Variants in SIPA1L1 observed in about 807,000 individuals in gnomAD.
SIPA1L1 encodes the protein signal-induced proliferation-associated 1-like protein 1.
SIPA1L1 carries 26 observed loss-of-function variants against 162.7 expected under a neutral mutation model. That is an observed-to-expected ratio of 0.16 (90% CI 0.12 to 0.22). SIPA1L1 has a LOEUF of 0.22. Ranked by LOEUF, SIPA1L1 falls within the 10% of genes least tolerant of loss-of-function variation. The pLI is 1.00. For synonymous variants in SIPA1L1, 829 were observed against 837.4 expected, an observed-to-expected ratio of 0.99 and a Z score of 0.17; for missense variants, 1,874 against 2,241.0, an observed-to-expected ratio of 0.84 and a Z score of 3.31.
At chr14:71,592,191 A>G (rs1337708325) in intron 5 of SIPA1L1, among the ~76,000 whole-genome samples, 1 of 152,178 alleles carries the variant, frequency 6.6e-6, no homozygotes, top group African/African-American at 2.4e-5. Context: ...AGTTACACAG[A>G]GTGGTTACTG....
At chr14:71,605,183 ATGTATTT>A (rs2037344512) in intron 5 of SIPA1L1, among the ~76,000 whole-genome samples, 1 of 151,902 alleles carries the variant, frequency 6.6e-6, no homozygotes, top group Admixed American at 6.6e-5. Context: ...TTGCTTTCAA[ATGTATTT>A]TGTATTTCAT....
intron 2 of SIPA1L1, among the ~76,000 whole-genome samples, chr14:71,458,974 A>G (rs1026098617): frequency 2.0e-5 from 3 of 151,934 alleles, no homozygotes; most frequent in Non-Finnish European, 4.4e-5. Flanking sequence ...TTGGAGGCTG[A>G]GGCAGGAGAA....
chr14:71,566,542 A>G (rs1003291959), intron 4 of SIPA1L1, among the ~76,000 whole-genome samples: 4 of 152,194 alleles, frequency 2.6e-5, no homozygotes, highest in African/African-American at 9.7e-5. Context: ...GCACCATCAA[A>G]ACAGAAGAGA....
At chr14:71,664,775 G>A (rs2043849817) in intron 10 of SIPA1L1, among the ~76,000 whole-genome samples, 1 of 152,168 alleles carries the variant, frequency 6.6e-6, no homozygotes, top group Non-Finnish European at 1.5e-5. Flanking sequence ...CTGAACTGTG[G>A]AAAGGGGAGA....
chr14:71,712,426 T>C (rs1042461938), intron 17 of SIPA1L1, among the ~76,000 whole-genome samples: 2 of 152,176 alleles, frequency 1.3e-5, no homozygotes, highest in African/African-American at 4.8e-5. Flanking sequence ...CCCTAGAATA[T>C]ATGTGTATCT....
At chr14:71,665,778 C>T (rs2043944923) in intron 10 of SIPA1L1, among the ~76,000 whole-genome samples, 1 of 152,112 alleles carries the variant, frequency 6.6e-6, no homozygotes, top group Non-Finnish European at 1.5e-5. Context: ...GTGCCTACCC[C>T]TATATATACT....
chr14:71,326,696 A>C (rs1420397042), intron 2 of SIPA1L1, among the ~76,000 whole-genome samples: 7 of 148,850 alleles, frequency 4.7e-5, no homozygotes, highest in Non-Finnish European at 3.0e-5. Flanking sequence ...TTATTTATCT[A>C]GATAGGAAAT....
intron 2 of SIPA1L1, among the ~76,000 whole-genome samples, chr14:71,395,478 T>C (rs749737278): frequency 6.6e-5 from 10 of 152,024 alleles, no homozygotes; most frequent in Non-Finnish European, 1.0e-4. Flanking sequence ...CAGGGCAACA[T>C]AGCAAGACCC....
chr14:71,636,509 GACA>G (rs2041165695), intron 7 of SIPA1L1, among the ~76,000 whole-genome samples: 1 of 152,100 alleles, frequency 6.6e-6, no homozygotes, highest in Non-Finnish European at 1.5e-5. Flanking sequence ...GAAAGGAAAA[GACA>G]ACATATGAAA....
At chr14:71,527,915 C>T (rs574169916) in intron 3 of SIPA1L1, among the ~76,000 whole-genome samples, 19 of 152,246 alleles carry the variant, frequency 1.2e-4, no homozygotes, top group African/African-American at 4.6e-4. Context: ...GACCGAGTCT[C>T]GCTCTATCGT....
rs370431365 is a variant in SIPA1L1 at position 71,564,490 on chromosome 14, C to CTTTTTTTT, written c.-302-23077_-302-23070dup. Among the ~76,000 whole-genome samples the CTTTTTTTT allele has an allele frequency of 3.1e-5, 3 of 97,778 alleles. 1 individual carries two copies. The highest frequency in any genetic ancestry group is 6.1e-4 in the East Asian group (2 of 3,278). The allele number at this position is 97,778 out of a possible 152,430, so 64.1% of individuals were successfully genotyped here. A position where few individuals can be genotyped will look rare whatever the true frequency, so the allele number is the denominator to read the frequency against. The stretch of plus-strand genomic sequence containing the variant: ...ACTTCTTATCCTCGGCATTTTCTTT[C>CTTTTTTTT]TTTTTTTTTTTCCGAGACAGAGTCT... On this transcript the variant is annotated intron_variant, in intron 4 of 23. Transcript: ENST00000381232.
intron 4 of SIPA1L1, among the ~76,000 whole-genome samples, chr14:71,582,055 T>A (rs1314879493): frequency 6.6e-6 from 1 of 152,200 alleles, no homozygotes; most frequent in Non-Finnish European, 1.5e-5. Context: ...TTACCAATTA[T>A]TCCACCATGG....
At chr14:71,553,553 C>T (rs2056068596) in intron 4 of SIPA1L1, among the ~76,000 whole-genome samples, 1 of 152,162 alleles carries the variant, frequency 6.6e-6, no homozygotes. Context: ...ATAGGAAAGG[C>T]ATGTTTTTCA....
chr14:71,567,288 AAAG>A (rs1345564105), intron 4 of SIPA1L1, among the ~76,000 whole-genome samples: 4 of 152,202 alleles, frequency 2.6e-5, no homozygotes, highest in African/African-American at 9.7e-5. Context: ...GCATGTTTCT[AAAG>A]AAGATGTGAA....
intron 2 of SIPA1L1, among the ~76,000 whole-genome samples, chr14:71,370,439 G>T (rs1415517981): frequency 2.0e-5 from 3 of 152,010 alleles, no homozygotes; most frequent in Non-Finnish European, 2.9e-5. Context: ...TTTTGTCTTT[G>T]GCTCTTATTT....
chr14:71,559,065 C>CTTTTTTTTTTTTTTTTTTTTTTTTTTT (rs113879891), intron 4 of SIPA1L1, among the ~76,000 whole-genome samples: 1 of 141,274 alleles, frequency 7.1e-6, no homozygotes. Flanking sequence ...TTCAGCTTTA[C>CTTTTTTTTTTTTTTTTTTTTTTTTTTT]TTTTTTTTTT....
intron 2 of SIPA1L1, among the ~76,000 whole-genome samples, chr14:71,479,616 C>G (rs2048183644): frequency 6.6e-6 from 1 of 151,974 alleles, no homozygotes; most frequent in Non-Finnish European, 1.5e-5. Flanking sequence ...CTATATTGCC[C>G]TGGCTGCTCT....
intron 4 of SIPA1L1, among the ~76,000 whole-genome samples, chr14:71,568,328 C>T (rs527685823): frequency 2.0e-5 from 3 of 152,224 alleles, no homozygotes; most frequent in Admixed American, 6.5e-5. Flanking sequence ...TTCTTCAGGC[C>T]GAATAGGTGT....
At chr14:71,465,946 T>C (rs540184549) in intron 2 of SIPA1L1, among the ~76,000 whole-genome samples, 46 of 152,276 alleles carry the variant, frequency 3.0e-4, no homozygotes, top group Non-Finnish European at 3.5e-4. Flanking sequence ...TCTGCCTGCT[T>C]ATATTCACTG....
Sources: gnomAD v4.1 joint callset for allele counts (sites outside exome capture counted in the v4.1 genomes callset) on GRCh38, gnomAD v4.1.1 for gene constraint, MANE v1.5 for transcripts, NCBI Gene and HGNC (gene_info 2026-07-23, HGNC 2026-07-21) for gene names.